The following AP3B1 variants were observed in gnomAD, a reference collection of about 807,000 sequenced individuals.
The protein encoded by AP3B1 is AP-3 complex subunit beta-1.
A neutral mutation model predicts 132.5 loss-of-function variants in AP3B1; 61 were observed. That is an observed-to-expected ratio of 0.46 (90% CI 0.37 to 0.57). The LOEUF is 0.57. Among genes scored for constraint, AP3B1 ranks in the 20% least tolerant of loss-of-function variants. The pLI is 0.00. For missense variants in AP3B1, 1,120 were observed against 1,289.4 expected, an observed-to-expected ratio of 0.87 and a Z score of 2.01; for synonymous variants, 388 against 438.3, an observed-to-expected ratio of 0.89 and a Z score of 1.43.
intron 7 of AP3B1, among the ~76,000 whole-genome samples, chr5:78,189,639 G>A (rs1014252733): frequency 6.6e-6 from 1 of 152,054 alleles, no homozygotes; most frequent in Non-Finnish European, 1.5e-5. Flanking sequence ...GGAGGCCAAG[G>A]CAGGCGGATC....
intron 1 of AP3B1, among the ~76,000 whole-genome samples, chr5:78,277,756 A>G (rs1356048642): frequency 2.6e-5 from 4 of 152,258 alleles, no homozygotes; most frequent in Non-Finnish European, 5.9e-5. Flanking sequence ...AAAGCAGGCT[A>G]TATACTAAAC....
rs575110028 is a variant in AP3B1 at position 78,095,126 on chromosome 5, C to T, written c.2471-5627G>A. The stretch of plus-strand genomic sequence containing the variant: ...TCTAATTGCCAGTTTATCTGTTTTT[C>T]CCATTACACTTTGAGAGTTCCTTGG... On this transcript the variant is annotated intron_variant, in intron 21 of 26. Coordinates refer to ENST00000255194, the MANE Select transcript of AP3B1 (RefSeq NM_003664.5). 4.6e-5 allele frequency among the ~76,000 whole-genome samples: 7 copies of T among 152,280 alleles called. No homozygotes were observed. In the East Asian group the frequency reaches 1.2e-3, roughly 25 times the overall value.
chr5:78,086,601 G>A (rs1264259338), intron 22 of AP3B1, among the ~76,000 whole-genome samples: 2 of 152,172 alleles, frequency 1.3e-5, no homozygotes, highest in East Asian at 3.8e-4. Context: ...CACAACCGGA[G>A]GGAGGGACAG....
intron 1 of AP3B1, among the ~76,000 whole-genome samples, chr5:78,290,443 T>C (rs897004539): frequency 2.0e-5 from 3 of 152,128 alleles, no homozygotes; most frequent in African/African-American, 7.2e-5. Context: ...TTTACAAATT[T>C]AGTAGCTTTA....
chr5:78,132,757 T>C (rs370973913), intron 15 of AP3B1, among the ~76,000 whole-genome samples: 2 of 152,312 alleles, frequency 1.3e-5, no homozygotes, highest in African/African-American at 4.8e-5. Flanking sequence ...GTGTGGTCAA[T>C]GAGATCACCA....
At chr5:78,244,589 A>G (rs1167536465) in intron 2 of AP3B1, among the ~76,000 whole-genome samples, 2 of 152,218 alleles carry the variant, frequency 1.3e-5, no homozygotes, top group East Asian at 3.8e-4. Context: ...AAGGCTACAG[A>G]ATACAGGAGA....
intron 3 of AP3B1, among the ~76,000 whole-genome samples, chr5:78,228,812 T>C (rs1444143839): frequency 2.0e-5 from 3 of 152,258 alleles, no homozygotes; most frequent in Admixed American, 2.0e-4. Context: ...AATACTCACA[T>C]TTCAACACGC....
At chr5:78,098,825 A>G (rs563177941) in intron 21 of AP3B1, among the ~76,000 whole-genome samples, 1 of 152,352 alleles carries the variant, frequency 6.6e-6, no homozygotes, top group East Asian at 1.9e-4. Context: ...TGGAACTTAC[A>G]TCTTAGTTGG....
chr5:78,275,550 A>G (rs1233405803), intron 1 of AP3B1, among the ~76,000 whole-genome samples: 2 of 151,976 alleles, frequency 1.3e-5, no homozygotes, highest in African/African-American at 4.8e-5. Flanking sequence ...ATCTCAGCTC[A>G]CTGCAACCTC....
In AP3B1 at chr5:78,145,230, CTA is replaced by C. The variant is rs1450822930; in HGVS notation, c.1474-3913_1474-3912del. Among the ~76,000 whole-genome samples the C allele has an allele frequency of 2.6e-5, 4 of 152,146 alleles. 1 individual carries two copies. The highest frequency in any genetic ancestry group is 5.9e-5 in the Non-Finnish European group (4 of 68,028). Reference sequence around the variant, plus strand: ...AACAAAGCCCTCAATATGATAAAATCTATGTTCTCTTTTTAAAACAAATTACA... The same window carrying C: ...AACAAAGCCCTCAATATGATAAAATCTGTTCTCTTTTTAAAACAAATTACA... On this transcript the variant is annotated intron_variant, in intron 14 of 26. Coordinates refer to ENST00000255194, the MANE Select transcript of AP3B1 (RefSeq NM_003664.5).
At chr5:78,053,693 A>AG (rs1561376718) in intron 22 of AP3B1, among the ~76,000 whole-genome samples, 6 of 83,944 alleles carry the variant, frequency 7.1e-5, no homozygotes, top group Admixed American at 3.4e-4. Context: ...AAAAAAAAAA[A>AG]AAAAGAAAGA....
intron 6 of AP3B1, among the ~76,000 whole-genome samples, chr5:78,223,047 A>G (rs1208537357): frequency 2.9e-5 from 2 of 68,838 alleles, no homozygotes; most frequent in African/African-American, 1.1e-4. Context: ...TTTTGTAGAG[A>G]CAAGGTTTCA....
chr5:78,051,763 TTTACA>T (rs1748594302), intron 22 of AP3B1, among the ~76,000 whole-genome samples: 1 of 152,166 alleles, frequency 6.6e-6, no homozygotes, highest in South Asian at 2.1e-4. Flanking sequence ...TTTGGCTTAC[TTTACA>T]TCAGTATCTA....
chr5:78,110,326 C>T lies in AP3B1; in HGVS notation c.2278G>A (p.Glu760Lys), dbSNP rs1174107850. The change falls in exon 20 of 27, where the codon GAA becomes AAA. Residue 760 changes from glutamate (E) to lysine (K), a missense_variant. By Grantham distance (56) the Glu-to-Lys change is moderately conservative (BLOSUM62 1). Coordinates refer to ENST00000255194, the MANE Select transcript of AP3B1 (RefSeq NM_003664.5). Reference sequence around the variant, plus strand: ...GAAGAATCTGAAGTTTTAGATTTTTCATTTTCCTTCTCCCCATCTTCAGAA... The same window carrying T: ...GAAGAATCTGAAGTTTTAGATTTTTTATTTTCCTTCTCCCCATCTTCAGAA... The part of the protein sequence containing the change: ...SDSEDGEKEN[E>K]KSKTSDSSND... 6.2e-7 allele frequency: 1 copy of T among 1,609,554 alleles called. No homozygotes were observed. Among genetic ancestry groups the T allele is most frequent in the Middle Eastern group, 1.7e-4 (1 of 5,874 alleles).
At chr5:78,217,563 C>T (rs1746014616) in intron 6 of AP3B1, among the ~76,000 whole-genome samples, 1 of 151,986 alleles carries the variant, frequency 6.6e-6, no homozygotes, top group South Asian at 2.1e-4. Context: ...CTCATGCTTT[C>T]AATCACATTT....
Position 78,193,770 on chromosome 5 carries a change from A to ATATATATATATATTTTTTTTT in AP3B1, c.787-12109_787-12108insAAAAAAAAATATATATATATA. ...TATATATATATATATATATATATAT[A>ATATATATATATATTTTTTTTT]TTTTTTTTTTAGACAGAGTCTCGCT... On this transcript the variant is annotated intron_variant, in intron 7 of 26. Transcript: ENST00000255194. 5.5e-3 allele frequency among the ~76,000 whole-genome samples: 365 copies of ATATATATATATATTTTTTTTT among 66,872 alleles called. 2 individuals are homozygous for ATATATATATATATTTTTTTTT. The highest frequency in any genetic ancestry group is 9.2e-3 in the Non-Finnish European group (284 of 30,902). The allele number at this position is 66,872 out of a possible 152,430, so 43.9% of individuals were successfully genotyped here. A position where few individuals can be genotyped will look rare whatever the true frequency, so the allele number is the denominator to read the frequency against.
chr5:78,058,250 C>T (rs889410595), intron 22 of AP3B1, among the ~76,000 whole-genome samples: 19 of 152,042 alleles, frequency 1.2e-4, no homozygotes, highest in African/African-American at 4.1e-4. Flanking sequence ...GCCTGTAATC[C>T]CAGCACTTTG....
intron 1 of AP3B1, among the ~76,000 whole-genome samples, chr5:78,289,072 A>C (rs1749401858): frequency 6.6e-6 from 1 of 152,202 alleles, no homozygotes; most frequent in Non-Finnish European, 1.5e-5. Flanking sequence ...GGTAGGTCAA[A>C]TATAATGCGT....
chr5:78,035,683 A>C (rs1268361634), intron 23 of AP3B1, among the ~76,000 whole-genome samples: 1 of 152,088 alleles, frequency 6.6e-6, no homozygotes, highest in Non-Finnish European at 1.5e-5. Flanking sequence ...AAAAGTAATA[A>C]TTAAAATGCT....
Sources: allele counts gnomAD v4.1 joint callset (sites outside exome capture counted in the v4.1 genomes callset), GRCh38; gene constraint gnomAD v4.1.1; transcripts MANE v1.5; gene names NCBI Gene and HGNC (gene_info 2026-07-23, HGNC 2026-07-21).